The following PPARA variants were observed in gnomAD, a reference collection of about 807,000 sequenced individuals.
The protein encoded by PPARA is peroxisome proliferator activated receptor alpha, also known as peroxisome proliferator-activated receptor alpha.
A neutral mutation model predicts 42.2 loss-of-function variants in PPARA; 22 were observed. The ratio of observed to expected loss-of-function variants is 0.52; its 90% confidence interval spans 0.37 to 0.74. The LOEUF is 0.74. Among genes scored for constraint, PPARA ranks in the 30% least tolerant of loss-of-function variants. The pLI, the probability that PPARA is intolerant of heterozygous loss-of-function variation, is 0.00. For synonymous variants in PPARA, 242 were observed against 239.3 expected (o/e 1.01, Z -0.10); for missense variants, 465 against 608.2 (o/e 0.76, Z 2.48).
intron 2 of PPARA, among the ~76,000 whole-genome samples, chr22:46,174,260 A>AGGAG: frequency 2.7e-5 from 4 of 149,328 alleles, no homozygotes; most frequent in East Asian, 2.0e-4. Context: ...GAAGGAAGGA[A>AGGAG]GGAAGGAAGG....
intron 7 of PPARA, among the ~76,000 whole-genome samples, chr22:46,228,288 A>G (rs921487881): frequency 6.6e-6 from 1 of 152,054 alleles, no homozygotes; most frequent in African/African-American, 2.4e-5. Flanking sequence ...TAATCCCAAC[A>G]CTCTGGGAGG....
In PPARA at chr22:46,160,112, C is replaced by T. The variant is rs4253636; in HGVS notation, c.-127+8142C>T. On this transcript the variant is annotated intron_variant, in intron 2 of 8. Transcript: ENST00000407236. The surrounding 1 kb of genome is among the most constrained non-coding windows in gnomAD (Gnocchi z 4.5). Reference sequence around the variant, plus strand: ...GGATCCAGGGCTGGTGCACTGAACCCAGAGGAGCAGGCTCCCATTCCCAGC... The same window carrying T: ...GGATCCAGGGCTGGTGCACTGAACCTAGAGGAGCAGGCTCCCATTCCCAGC... Among the ~76,000 whole-genome samples the T allele has an allele frequency of 3.9e-3, 596 of 152,334 alleles. 5 individuals carry two copies. Among genetic ancestry groups the T allele is most frequent in the African/African-American group, 0.014 (570 of 41,584 alleles).
Position 46,183,575 on chromosome 22 carries a change from A to G in PPARA, c.-43+6739A>G, listed in dbSNP as rs1008551918. Among the ~76,000 whole-genome samples the G allele has an allele frequency of 1.3e-5, 2 of 152,086 alleles. No homozygotes were observed. Among genetic ancestry groups the G allele is most frequent in the Non-Finnish European group, 2.9e-5 (2 of 68,004 alleles). The stretch of plus-strand genomic sequence containing the variant: ...TGGGCAACATGGCGAAACCCTGTCT[A>G]TACAAAAAATAGAAAAATTAGCCAG... On this transcript the variant is annotated intron_variant, in intron 3 of 8. Coordinates refer to ENST00000407236, the MANE Select transcript of PPARA (RefSeq NM_005036.6). This position sits in a 1 kb window ranked among gnomAD's most constrained non-coding sequence, Gnocchi z 5.5.
rs1162754868 is a variant in PPARA at position 46,192,651 on chromosome 22, G to A, written c.-42-5691G>A. On this transcript the variant is annotated intron_variant, in intron 3 of 8. Transcript: ENST00000407236. This position sits in a 1 kb window ranked among gnomAD's most constrained non-coding sequence, Gnocchi z 4.3. Reference sequence around the variant, plus strand: ...GCAGCTCTAACATTTAAATTGGAAGGGAAATGTCAAAAAGATACCTGCACT... The same window carrying A: ...GCAGCTCTAACATTTAAATTGGAAGAGAAATGTCAAAAAGATACCTGCACT... 6.6e-6 allele frequency among the ~76,000 whole-genome samples: 1 copy of A among 152,146 alleles called. No individual in the cohort carries two copies. Among genetic ancestry groups the A allele is most frequent in the Non-Finnish European group, 1.5e-5 (1 of 68,026 alleles).
Position 46,196,754 on chromosome 22 carries a change from G to A in PPARA, c.-42-1588G>A, listed in dbSNP as rs548023792. On this transcript the variant is annotated intron_variant, in intron 3 of 8. Coordinates refer to ENST00000407236, the MANE Select transcript of PPARA (RefSeq NM_005036.6). The surrounding 1 kb of genome is among the most constrained non-coding windows in gnomAD (Gnocchi z 5.6). ...TGTTGCTGTTTTGAGGTGGAGTCTTGCTTTGTCGCCCAGGCTGGTGTGCAG... is the reference window on the plus strand; with the variant it reads ...TGTTGCTGTTTTGAGGTGGAGTCTTACTTTGTCGCCCAGGCTGGTGTGCAG... 5.3e-4 allele frequency among the ~76,000 whole-genome samples: 80 copies of A among 152,320 alleles called. No homozygotes were observed. The highest frequency in any genetic ancestry group is 9.7e-4 in the Non-Finnish European group (66 of 68,034).
Position 46,198,998 on chromosome 22 carries a change from T to G in PPARA, c.208+407T>G, listed in dbSNP as rs564402225. ...TTAGCTGGAAAAGAAGTCACACTTT[T>G]TTGCAAAGAAAGCTTCAGACGTGGT... On this transcript the variant is annotated intron_variant, in intron 4 of 8. Transcript: ENST00000407236. 8.2e-4 allele frequency among the ~76,000 whole-genome samples: 125 copies of G among 152,220 alleles called. 1 individual carries two copies. The highest frequency in any genetic ancestry group is 1.6e-4 in the Non-Finnish European group (11 of 68,008).
intron 4 of PPARA, among the ~76,000 whole-genome samples, chr22:46,209,133 C>G (rs1403325766): frequency 6.6e-6 from 1 of 152,172 alleles, no homozygotes; most frequent in Admixed American, 6.6e-5. Flanking sequence ...TGAGGAACCT[C>G]CATACTTATT....
Position 46,215,161 on chromosome 22 carries a change from C to A in PPARA, c.209-12C>A. The A allele has an allele frequency of 6.2e-7, 1 of 1,613,448 alleles. No homozygotes were observed. The highest frequency in any genetic ancestry group is 8.5e-7 in the Non-Finnish European group (1 of 1,179,824). On this transcript the variant is annotated splice_polypyrimidine_tract_variant and intron_variant, in intron 4 of 8. Transcript: ENST00000407236. The stretch of plus-strand genomic sequence containing the variant: ...CCTGGACTATTCATCCGTCTCTCCT[C>A]TTTTTCCCCAGACACGCTTTCACCA...
At position 46,236,022 on chromosome 22, in the gene PPARA, G is replaced by C. The variant is rs1351146919; in HGVS notation, c.*642G>C. 1 of 154,352 alleles carries C rather than the reference G, an allele frequency of 6.5e-6. No individual in the cohort carries two copies. Among genetic ancestry groups the C allele is most frequent in the Non-Finnish European group, 1.4e-5 (1 of 69,488 alleles). 9.6% of individuals were successfully genotyped at this position (154,352 alleles called of 1,614,324 possible). On this transcript the variant is annotated 3_prime_UTR_variant, in exon 9 of 9. Transcript: ENST00000407236. This position sits in a 1 kb window ranked among gnomAD's most constrained non-coding sequence, Gnocchi z 5.2. ...CCAGCACTTTGGGAGGCCGAGGCGG[G>C]TGGATCACAAGGTCAGCAGATCGAG... is the stretch of plus-strand genomic sequence containing the variant.
At position 46,212,470 on chromosome 22, in the gene PPARA, T is replaced by G. The variant is rs946567684; in HGVS notation, c.209-2703T>G. Among the ~76,000 whole-genome samples the G allele has an allele frequency of 1.3e-5, 2 of 152,196 alleles. No homozygotes were observed. Among genetic ancestry groups the G allele is most frequent in the African/African-American group, 4.8e-5 (2 of 41,460 alleles). Reference sequence around the variant, plus strand: ...GCTCAGAAATGGTTCTTTTTACCATTGCTATAATTTTGCCTTTTCCAGAAC... The same window carrying G: ...GCTCAGAAATGGTTCTTTTTACCATGGCTATAATTTTGCCTTTTCCAGAAC... On this transcript the variant is annotated intron_variant, in intron 4 of 8. Transcript: ENST00000407236. The surrounding 1 kb of genome is among the most constrained non-coding windows in gnomAD (Gnocchi z 4.2).
In PPARA at chr22:46,163,395, C is replaced by G. The variant is rs1926514685; in HGVS notation, c.-127+11425C>G. The G allele has an allele frequency of 6.6e-6, 1 of 152,160 alleles. No individual in the cohort carries two copies. Among genetic ancestry groups the G allele is most frequent in the African/African-American group, 2.4e-5 (1 of 41,434 alleles). 9.4% of individuals were successfully genotyped at this position (152,160 alleles called of 1,614,324 possible). On this transcript the variant is annotated intron_variant, in intron 2 of 8. Coordinates refer to ENST00000407236, the MANE Select transcript of PPARA (RefSeq NM_005036.6). This position sits in a 1 kb window ranked among gnomAD's most constrained non-coding sequence, Gnocchi z 4.9. ...TAACTCTAATCATACATCTAATGAC[C>G]TATATTGAAGATACACTGCCTGCTT... is the stretch of plus-strand genomic sequence containing the variant.
chr22:46,235,443 CG>C lies in PPARA; in HGVS notation c.*68del. 1 of 1,592,220 alleles carries C rather than the reference CG, an allele frequency of 6.3e-7. No individual in the cohort carries two copies. The highest frequency in any genetic ancestry group is 1.3e-5 in the African/African-American group (1 of 74,400). ...GAAGCTGACAGCACTACAAAGGAGA[CG>C]GGGGAGCAGCACGATTTTGCACAAA... On this transcript the variant is annotated 3_prime_UTR_variant, in exon 9 of 9. Transcript: ENST00000407236. This position sits in a 1 kb window ranked among gnomAD's most constrained non-coding sequence, Gnocchi z 7.0.
At chr22:46,179,626 G>A (rs1929661154) in intron 3 of PPARA, among the ~76,000 whole-genome samples, 1 of 151,548 alleles carries the variant, frequency 6.6e-6, no homozygotes, top group African/African-American at 2.4e-5. Context: ...GAAAACACAG[G>A]AGAAAAATCT....
chr22:46,215,044 C>T (rs1569235266), intron 4 of PPARA, 129 bp from the exon 5 acceptor site: 2 of 1,153,914 alleles, frequency 1.7e-6, no homozygotes, highest in East Asian at 5.0e-5. Flanking sequence ...CCCGGCCCCG[C>T]ATGGGTGTTC....
At chr22:46,176,993 G>A (rs564598109) in intron 3 of PPARA, among the ~76,000 whole-genome samples, 157 bp downstream of exon 3, 74 of 152,300 alleles carry the variant, frequency 4.9e-4, no homozygotes, top group Non-Finnish European at 7.6e-4. Flanking sequence ...GGCAGATCAC[G>A]AGGTTAGGAG....
Position 46,216,862 on chromosome 22 carries a change from C to T in PPARA, c.370-1401C>T, listed in dbSNP as rs762602920. On this transcript the variant is annotated intron_variant, in intron 5 of 8. Transcript: ENST00000407236. This position sits in a 1 kb window ranked among gnomAD's most constrained non-coding sequence, Gnocchi z 4.5. ...CAGCGTCCCTTTAGGGTTGCACAGA[C>T]GTGCTCAAGTCTGGCGCCTTATGTA... Among the ~76,000 whole-genome samples, 3 of 152,216 alleles carry T rather than the reference C, an allele frequency of 2.0e-5. No homozygotes were observed. The highest frequency in any genetic ancestry group is 2.1e-4 in the South Asian group (1 of 4,834).
At position 46,195,805 on chromosome 22, in the gene PPARA, C is replaced by T. The variant is rs139394526; in HGVS notation, c.-42-2537C>T. On this transcript the variant is annotated intron_variant, in intron 3 of 8. Transcript: ENST00000407236. This position sits in a 1 kb window ranked among gnomAD's most constrained non-coding sequence, Gnocchi z 4.6. ...AGTGGCTGGTAGCAGCACATACCCC[C>T]GAGCCTCTCCGTGGTGTGCGCCGTG... Among the ~76,000 whole-genome samples the T allele has an allele frequency of 6.2e-3, 942 of 152,212 alleles. 12 individuals are homozygous for T. Among genetic ancestry groups the T allele is most frequent in the African/African-American group, 0.022 (906 of 41,520 alleles).
rs953595603 is a variant in PPARA, at chr22:46,184,577, A to G, written c.-43+7741A>G. ...CTGTTGGAAAATCCAAAAGTATTCTATTTGGCCAGGCACAGTGGCTCACAC... is the reference window on the plus strand; with the variant it reads ...CTGTTGGAAAATCCAAAAGTATTCTGTTTGGCCAGGCACAGTGGCTCACAC... On this transcript the variant is annotated intron_variant, in intron 3 of 8. Transcript: ENST00000407236. This position sits in a 1 kb window ranked among gnomAD's most constrained non-coding sequence, Gnocchi z 4.4. 3.3e-5 allele frequency among the ~76,000 whole-genome samples: 5 copies of G among 152,156 alleles called. No individual in the cohort carries two copies. The highest frequency in any genetic ancestry group is 1.2e-4 in the African/African-American group (5 of 41,414).
chr22:46,212,495 C>T lies in PPARA; in HGVS notation c.209-2678C>T, dbSNP rs191362201. ...TGCTATAATTTTGCCTTTTCCAGAA[C>T]GCCATGAATTTGAAATCATATAGTA... On this transcript the variant is annotated intron_variant, in intron 4 of 8. Transcript: ENST00000407236. The surrounding 1 kb of genome is among the most constrained non-coding windows in gnomAD (Gnocchi z 4.2). Among the ~76,000 whole-genome samples, 23 of 152,314 alleles carry T rather than the reference C, an allele frequency of 1.5e-4. No individual in the cohort carries two copies. The highest frequency in any genetic ancestry group is 3.4e-3 in the Middle Eastern group (1 of 294).
Sources: allele counts gnomAD v4.1 joint callset (sites outside exome capture counted in the v4.1 genomes callset), GRCh38; gene constraint gnomAD v4.1.1; non-coding constraint Gnocchi (gnomAD v3.1); transcripts MANE v1.5; gene names NCBI Gene and HGNC (gene_info 2026-07-23, HGNC 2026-07-21).